The following JADE2 variants were observed in gnomAD, a reference collection of about 807,000 sequenced individuals.
JADE2 encodes E3 ubiquitin-protein ligase Jade-2.
In JADE2, 13 loss-of-function variants were observed where a neutral mutation model predicts 85.7. That is an observed-to-expected ratio of 0.15 (90% CI 0.10 to 0.24). The LOEUF is 0.24. Ranked by LOEUF, JADE2 falls within the 10% of genes least tolerant of loss-of-function variation. The pLI is 1.00. For missense variants in JADE2, 846 were observed against 1,115.9 expected (o/e 0.76, Z 3.45); for synonymous variants, 440 against 456.1 (o/e 0.96, Z 0.45).
In JADE2 at chr5:134,557,443, A is replaced by G. The variant is rs551726084; in HGVS notation, c.312-2387A>G. ...TGTGCACATTGTGCAGGTTTGTTAC[A>G]TATGTATACATGTGCCATGCTGGCG... On this transcript the variant is annotated intron_variant, in intron 4 of 11. Transcript: ENST00000681547. Among the ~76,000 whole-genome samples the G allele has an allele frequency of 4.0e-3, 546 of 135,300 alleles. 1 individual carries two copies. The highest frequency in any genetic ancestry group is 6.2e-3 in the Non-Finnish European group (398 of 63,748). 88.8% of individuals were successfully genotyped at this position (135,300 alleles called of 152,430 possible). A position where few individuals can be genotyped will look rare whatever the true frequency, so the allele number is the denominator to read the frequency against.
chr5:134,564,672 A>C, intron 8 of JADE2, 62 bp downstream of exon 8: 1 of 1,087,688 alleles, frequency 9.2e-7, no homozygotes, highest in Non-Finnish European at 1.3e-6. Flanking sequence ...TTGGGGCCTC[A>C]GACAGCAGCT....
intron 1 of JADE2, chr5:134,526,643 T>A: frequency 1.0e-6 from 1 of 985,062 alleles, no homozygotes; most frequent in Non-Finnish European, 1.2e-6. Context: ...TCGCCCCCTC[T>A]CCCGGCCCGG....
chr5:134,528,515 T>G (rs961435670), intron 1 of JADE2, among the ~76,000 whole-genome samples: 1 of 152,160 alleles, frequency 6.6e-6, no homozygotes, highest in Non-Finnish European at 1.5e-5. Context: ...CTTTCATGTT[T>G]AAGAGATGCT....
chr5:134,529,990 G>A (rs1178166908), intron 1 of JADE2, among the ~76,000 whole-genome samples: 1 of 152,262 alleles, frequency 6.6e-6, no homozygotes, highest in Non-Finnish European at 1.5e-5. Flanking sequence ...GGTGTTGCAG[G>A]AGGGTTCAGG....
At chr5:134,524,461 G>A (rs1021175553), upstream of JADE2, 3 of 152,558 alleles carry the variant, frequency 2.0e-5, no homozygotes, top group African/African-American at 4.8e-5. Flanking sequence ...GGAGGAGGAG[G>A]GGCGAGGAGG....
In JADE2 at chr5:134,579,144, G is replaced by A; in HGVS notation, c.2332G>A (p.Ala778Thr). The A allele has an allele frequency of 2.5e-6, 4 of 1,614,244 alleles. No homozygotes were observed. The South Asian group carries it at 4.4e-5, about 18-fold the overall frequency. ...RPDAGMGPPS[A>T]VAERPKVSLH... ...TGATGCTGGGATGGGACCACCTTCA[G>A]CTGTGGCTGAGAGGCCCAAGGTCAG... Residue 778 changes from alanine (A) to threonine (T), a missense_variant, in exon 12 of 12, where the codon GCT becomes ACT. By Grantham distance (58) the Ala-to-Thr change is moderately conservative. Transcript: ENST00000681547. This position sits in a 1 kb window ranked among gnomAD's most constrained non-coding sequence, Gnocchi z 4.6.
At chr5:134,525,620 A>ATTT, upstream of JADE2, 1 of 324,962 alleles carries the variant, frequency 3.1e-6, no homozygotes, top group Non-Finnish European at 4.6e-6. Context: ...ACCCCAACAC[A>ATTT]TTTTTTTTTT....
chr5:134,573,578 C>G, intron 9 of JADE2, 67 bp from the exon 10 acceptor site: 1 of 1,106,132 alleles, frequency 9.0e-7, no homozygotes. Context: ...ATAGCAAGGT[C>G]CCCAGAGCTG....
Position 134,562,073 on chromosome 5 carries a change from C to T in JADE2, c.685-127C>T, listed in dbSNP as rs1180023966. 12 of 921,270 alleles carry T rather than the reference C, an allele frequency of 1.3e-5. No individual in the cohort carries two copies. Among genetic ancestry groups the T allele is most frequent in the East Asian group, 2.5e-5 (1 of 39,424 alleles). The allele number at this position is 921,270 out of a possible 1,614,324, so 57.1% of individuals were successfully genotyped here. A position where few individuals can be genotyped will look rare whatever the true frequency, so the allele number is the denominator to read the frequency against. On this transcript the variant is annotated intron_variant, in intron 6 of 11. Coordinates refer to ENST00000681547, the MANE Select transcript of JADE2 (RefSeq NM_001388185.1). The surrounding 1 kb of genome is among the most constrained non-coding windows in gnomAD (Gnocchi z 4.6). ...GCATTGTAACTCCTCAGAAGTTGTA[C>T]GTGCCAGAGATGGGAGGCTGTGTAG... is the stretch of plus-strand genomic sequence containing the variant.
At chr5:134,551,256 G>A (rs1762575637) in intron 3 of JADE2, among the ~76,000 whole-genome samples, 1 of 151,846 alleles carries the variant, frequency 6.6e-6, no homozygotes, top group South Asian at 2.1e-4. Context: ...TTTGAGACAG[G>A]GACTCACTGT....
chr5:134,573,600 G>A (rs1453664155), intron 9 of JADE2, 45 bp from the exon 10 acceptor site: 4 of 1,389,150 alleles, frequency 2.9e-6, no homozygotes, highest in Admixed American at 1.7e-5. Context: ...GAGGTCTGGG[G>A]TGGTTGCCTG....
rs754852359 is a variant in JADE2, at chr5:134,552,072, C to T, written c.174C>T (p.Ile58=). The change falls in exon 4 of 12, where the codon ATC becomes ATT. Residue 58 remains isoleucine (I), a synonymous_variant. Coordinates refer to ENST00000681547, the MANE Select transcript of JADE2 (RefSeq NM_001388185.1). ...CACAGGTTTTCCGGACAGACTTGAT[C>T]ACAGCCATGAAGATCCCGGACTCAT... ...KPSEVFRTDL[I]TAMKIPDSYQ... The T allele has an allele frequency of 1.2e-6, 2 of 1,614,210 alleles. No individual in the cohort carries two copies. The highest frequency in any genetic ancestry group is 1.6e-4 in the Middle Eastern group (1 of 6,062).
At position 134,541,112 on chromosome 5, in the gene JADE2, G is replaced by A. The variant is rs192205132; in HGVS notation, c.153+3029G>A. 8.8e-4 allele frequency among the ~76,000 whole-genome samples: 134 copies of A among 152,312 alleles called. 4 individuals carry two copies. The highest frequency in any genetic ancestry group is 8.5e-4 in the Admixed American group (13 of 15,310). ...CTCCGCAGGCTCTGAGGTCTGCCTG[G>A]GAGACACCTCCCCACCTCAAGTCCT... On this transcript the variant is annotated intron_variant, in intron 3 of 11. Coordinates refer to ENST00000681547, the MANE Select transcript of JADE2 (RefSeq NM_001388185.1).
chr5:134,546,818 G>A (rs139252946), intron 3 of JADE2, among the ~76,000 whole-genome samples: 40 of 152,144 alleles, frequency 2.6e-4, no homozygotes, highest in African/African-American at 9.4e-4. Flanking sequence ...ATATTTTGTA[G>A]TGTGGTAACT....
rs1581466576 is a variant in JADE2, at chr5:134,566,525, A to C, written c.1379A>C (p.Asp460Ala). 6.3e-7 allele frequency: 1 copy of C among 1,598,028 alleles called. No homozygotes were observed. The highest frequency in any genetic ancestry group is 8.5e-7 in the Non-Finnish European group (1 of 1,172,174). The change falls in exon 9 of 12, where the codon GAC (aspartate) becomes GCC (alanine). Residue 460 changes from aspartate to alanine, a missense_variant. This residue lies in a region of JADE2 where 88 missense variants were observed against 140.6 expected (regional missense o/e 0.63). Transcript: ENST00000681547. The surrounding 1 kb of genome is among the most constrained non-coding windows in gnomAD (Gnocchi z 6.7). ...EVDNLAQQEQ[D>A]VLYRRLKLFT... Reference sequence around the variant, plus strand: ...GACAACCTGGCCCAGCAGGAGCAGGACGTCCTCTACCGCCGCCTGAAGCTC... The same window carrying C: ...GACAACCTGGCCCAGCAGGAGCAGGCCGTCCTCTACCGCCGCCTGAAGCTC...
chr5:134,544,534 C>T (rs557896294), intron 3 of JADE2: 4 of 166,914 alleles, frequency 2.4e-5, no homozygotes, highest in South Asian at 2.1e-4. Flanking sequence ...AAGGGAACCC[C>T]AGAGGTGAGT....
chr5:134,545,280 C>T (rs1248291270), intron 3 of JADE2, among the ~76,000 whole-genome samples: 1 of 152,174 alleles, frequency 6.6e-6, no homozygotes, highest in Non-Finnish European at 1.5e-5. Flanking sequence ...AACGTTGCTG[C>T]TCCGCCAGCT....
At position 134,566,619 on chromosome 5, in the gene JADE2, G is replaced by A. The variant is rs972359995; in HGVS notation, c.1434+39G>A. On this transcript the variant is annotated intron_variant, in intron 9 of 11. Coordinates refer to ENST00000681547, the MANE Select transcript of JADE2 (RefSeq NM_001388185.1). The surrounding 1 kb of genome is among the most constrained non-coding windows in gnomAD (Gnocchi z 6.7). ...CCGCCTGCCCACCCCCTGCCTGGTG[G>A]GTCCAGGAGTCCTTTCCATGCCACA... 6.3e-6 allele frequency: 9 copies of A among 1,432,552 alleles called. No individual in the cohort carries two copies. In the African/African-American group the frequency reaches 1.1e-4, roughly 18 times the overall value. 88.7% of individuals were successfully genotyped at this position (1,432,552 alleles called of 1,614,324 possible).
intron 9 of JADE2, among the ~76,000 whole-genome samples, chr5:134,571,347 G>A (rs1001606548): frequency 3.3e-5 from 5 of 152,212 alleles, no homozygotes; most frequent in South Asian, 2.1e-4. Context: ...ATTCAATCCC[G>A]TACAGAAGCC....
Sources: gnomAD v4.1 joint callset for allele counts (sites outside exome capture counted in the v4.1 genomes callset) on GRCh38, gnomAD v4.1.1 for gene constraint, gnomAD v4.1.1 regional missense constraint, Gnocchi (gnomAD v3.1) non-coding constraint, MANE v1.5 for transcripts, NCBI Gene and HGNC (gene_info 2026-07-23, HGNC 2026-07-21) for gene names.